Variants in ASCC3 observed in about 807,000 individuals in gnomAD.
ASCC3 encodes the protein activating signal cointegrator 1 complex subunit 3, also known as ASC-1 complex subunit P200.
A neutral mutation model predicts 256.3 loss-of-function variants in ASCC3; 158 were observed. The observed-to-expected ratio is 0.62, with a 90% CI of 0.54 to 0.70. ASCC3 has a LOEUF of 0.70. ASCC3 is among the 30% of genes least tolerant of loss of function. The probability of loss-of-function intolerance (pLI) is 0.00; values close to 1 mark genes in which losing one functional copy is unlikely to be tolerated. For synonymous variants in ASCC3, 948 were observed against 883.4 expected (o/e 1.07, Z -1.30); for missense variants, 2,259 against 2,626.0 (o/e 0.86, Z 3.05).
intron 13 of ASCC3, among the ~76,000 whole-genome samples, chr6:100,680,870 C>T (rs1777266390): frequency 2.0e-5 from 3 of 152,094 alleles, no homozygotes; most frequent in Non-Finnish European, 4.4e-5. Flanking sequence ...GCAGGCTATA[C>T]ATTTAGGAGG....
intron 36 of ASCC3, among the ~76,000 whole-genome samples, chr6:100,546,793 C>T (rs1351619758): frequency 6.6e-6 from 1 of 152,040 alleles, no homozygotes; most frequent in African/African-American, 2.4e-5. Context: ...ATTAAAAATT[C>T]ACACACAAAT....
rs1450068185 is a variant in ASCC3, at chr6:100,679,655, G to A, written c.2249C>T (p.Pro750Leu). 7 of 1,613,434 alleles carry A rather than the reference G, an allele frequency of 4.3e-6. No individual in the cohort carries two copies. The highest frequency in any genetic ancestry group is 5.9e-6 in the Non-Finnish European group (7 of 1,179,682). Residue 750 changes from proline (P) to leucine (L), a missense_variant, in exon 14 of 42, where the codon CCT (proline) becomes CTT (leucine). By Grantham distance (98) the Pro-to-Leu change is moderately conservative. This residue lies in a region of ASCC3 where 1,839 missense variants were observed against 2,206.7 expected (regional missense o/e 0.83). Coordinates refer to ENST00000369162, the MANE Select transcript of ASCC3 (RefSeq NM_006828.4). ...KNCGHIPFFFPTQGHDYVLAE... is the reference protein window; with the variant it reads ...KNCGHIPFFFLTQGHDYVLAE... ...AAGTACATAGTCATGTCCTTGGGTA[G>A]GAAAAAAGAAGGGAATATGGCCACA...
intron 17 of ASCC3, among the ~76,000 whole-genome samples, 155 bp downstream of exon 17, chr6:100,655,544 C>T (rs879835594): frequency 2.6e-5 from 4 of 151,634 alleles, no homozygotes; most frequent in Non-Finnish European, 5.9e-5. Flanking sequence ...ACTACAGGGG[C>T]CTATCTAATT....
intron 10 of ASCC3, among the ~76,000 whole-genome samples, chr6:100,738,445 T>C (rs1243791228): frequency 6.6e-6 from 1 of 152,220 alleles, no homozygotes; most frequent in South Asian, 2.1e-4. Flanking sequence ...GGCTAGCCAG[T>C]TCTCTCACCA....
At chr6:100,514,522 A>C (rs994047638) in intron 39 of ASCC3, among the ~76,000 whole-genome samples, 1 of 152,138 alleles carries the variant, frequency 6.6e-6, no homozygotes, top group Non-Finnish European at 1.5e-5. Flanking sequence ...CCCAAATGTC[A>C]TATCTGGCTT....
intron 11 of ASCC3, among the ~76,000 whole-genome samples, chr6:100,723,564 T>C (rs1444387274): frequency 1.3e-5 from 2 of 151,610 alleles, no homozygotes; most frequent in Admixed American, 6.6e-5. Flanking sequence ...TGTCACTTAT[T>C]GTACCTACTT....
At position 100,670,370 on chromosome 6, in the gene ASCC3, C is replaced by T. The variant is rs117579982; in HGVS notation, c.2287-7834G>A. 4.8e-4 allele frequency among the ~76,000 whole-genome samples: 73 copies of T among 151,968 alleles called. No individual in the cohort carries two copies. The East Asian group carries it at 0.013, about 27-fold the overall frequency. On this transcript the variant is annotated intron_variant, in intron 14 of 41. Coordinates refer to ENST00000369162, the MANE Select transcript of ASCC3 (RefSeq NM_006828.4). ...CTGTAGACACCACAAACCATGGATG[C>T]TTAAGTCCCTTATATAAAATGGTGT...
chr6:100,595,351 G>A (rs115499721), intron 34 of ASCC3, among the ~76,000 whole-genome samples: 2,143 of 152,162 alleles, frequency 0.014, 40 homozygotes, highest in African/African-American at 0.049. Context: ...GAAAATTTAT[G>A]TTCACACAAA....
Position 100,852,408 on chromosome 6 carries a change from T to A in ASCC3, c.242-3701A>T, listed in dbSNP as rs1772727187. ...CTAAAGTAGAAAGGTGTTAGTCATG[T>A]TCTTGTTTTCTGACACTAAATCCAA... On this transcript the variant is annotated intron_variant, in intron 3 of 41. Coordinates refer to ENST00000369162, the MANE Select transcript of ASCC3 (RefSeq NM_006828.4). Among the ~76,000 whole-genome samples, 3 of 152,196 alleles carry A rather than the reference T, an allele frequency of 2.0e-5. No individual in the cohort carries two copies. The South Asian group carries it at 6.2e-4, about 32-fold the overall frequency.
intron 25 of ASCC3, 101 bp from the exon 26 acceptor site, chr6:100,631,314 G>T: frequency 1.2e-6 from 1 of 832,564 alleles, no homozygotes; most frequent in African/African-American, 1.7e-5. Flanking sequence ...TGACAGTGTG[G>T]TTTGAAAATG....
chr6:100,727,234 T>G (rs1779673973), intron 10 of ASCC3, among the ~76,000 whole-genome samples: 1 of 152,012 alleles, frequency 6.6e-6, no homozygotes, highest in Admixed American at 6.6e-5. Context: ...ATCTAAACTT[T>G]TAATGATTTG....
intron 1 of ASCC3, among the ~76,000 whole-genome samples, chr6:100,871,926 A>G (rs1773761862): frequency 6.6e-6 from 1 of 152,264 alleles, no homozygotes; most frequent in Non-Finnish European, 1.5e-5. Context: ...TGTACACTGT[A>G]CATGTCATCC....
chr6:100,539,746 CTCTTTATTTATTTTACCAT>C (rs1775349984), intron 37 of ASCC3, among the ~76,000 whole-genome samples: 1 of 151,768 alleles, frequency 6.6e-6, no homozygotes, highest in Non-Finnish European at 1.5e-5. Context: ...CTCCGTCTTT[CTCTTTATTTATTTTACCAT>C]TCTTTATTTT....
chr6:100,580,185 G>A (rs994571870), intron 36 of ASCC3, among the ~76,000 whole-genome samples: 5 of 151,926 alleles, frequency 3.3e-5, no homozygotes, highest in African/African-American at 1.2e-4. Context: ...TTGTATTCTG[G>A]AAATGCTAAT....
chr6:100,750,274 T>G (rs1471376050), intron 10 of ASCC3, among the ~76,000 whole-genome samples: 2 of 152,008 alleles, frequency 1.3e-5, no homozygotes, highest in Non-Finnish European at 2.9e-5. Flanking sequence ...CCTTAAAAAT[T>G]TCAAAGGTAT....
intron 1 of ASCC3, among the ~76,000 whole-genome samples, chr6:100,869,136 G>T (rs1773619318): frequency 6.6e-6 from 1 of 152,270 alleles, no homozygotes; most frequent in East Asian, 1.9e-4. Flanking sequence ...GATATTTTGG[G>T]TGTCACAACT....
intron 4 of ASCC3, among the ~76,000 whole-genome samples, chr6:100,846,353 G>A (rs1283440528): frequency 6.6e-6 from 1 of 152,094 alleles, no homozygotes; most frequent in East Asian, 1.9e-4. Flanking sequence ...CAAAAATTAT[G>A]ACAATGATTG....
intron 16 of ASCC3, among the ~76,000 whole-genome samples, chr6:100,660,635 T>C (rs186433085): frequency 2.0e-5 from 3 of 151,832 alleles, no homozygotes; most frequent in Non-Finnish European, 1.5e-5. Flanking sequence ...TTTGAATGAC[T>C]GTCCCAATTC....
At chr6:100,795,283 A>T (rs1332250065) in intron 8 of ASCC3, among the ~76,000 whole-genome samples, 1 of 151,972 alleles carries the variant, frequency 6.6e-6, no homozygotes, top group African/African-American at 2.4e-5. Context: ...TTCCCTGGTT[A>T]TATGGAGAAA....
Sources: allele counts gnomAD v4.1 joint callset (sites outside exome capture counted in the v4.1 genomes callset), GRCh38; gene constraint gnomAD v4.1.1; regional missense constraint gnomAD v4.1.1; transcripts MANE v1.5; gene names NCBI Gene and HGNC (gene_info 2026-07-23, HGNC 2026-07-21).